The following CNTNAP2 variants were observed in gnomAD, a reference collection of about 807,000 sequenced individuals.
CNTNAP2 encodes the protein contactin associated protein 2.
A neutral mutation model predicts 155.2 loss-of-function variants in CNTNAP2; 98 were observed. The observed-to-expected ratio is 0.63, with a 90% confidence interval of 0.54 to 0.75. CNTNAP2 has a LOEUF of 0.75. Among genes scored for constraint, CNTNAP2 ranks in the 30% least tolerant of loss-of-function variants. The pLI, the probability that CNTNAP2 is intolerant of heterozygous loss-of-function variation, is 0.00. For synonymous variants in CNTNAP2, 651 were observed against 631.2 expected (o/e 1.03, Z -0.47); for missense variants, 1,727 against 1,688.1 (o/e 1.02, Z -0.40).
intron 1 of CNTNAP2, among the ~76,000 whole-genome samples, chr7:146,254,159 A>T (rs1271959531): frequency 7.2e-6 from 1 of 137,966 alleles, no homozygotes; most frequent in African/African-American, 3.0e-5. Flanking sequence ...ACACACACAC[A>T]CACAAGCAAA....
At chr7:147,375,785 C>T (rs1368672884) in intron 9 of CNTNAP2, among the ~76,000 whole-genome samples, 3 of 152,082 alleles carry the variant, frequency 2.0e-5, no homozygotes, top group Non-Finnish European at 4.4e-5. Flanking sequence ...CAGTTGTACT[C>T]ATATTTCGTT....
chr7:146,972,444 C>T (rs1797821299), intron 3 of CNTNAP2, among the ~76,000 whole-genome samples: 1 of 151,998 alleles, frequency 6.6e-6, no homozygotes, highest in Non-Finnish European at 1.5e-5. Context: ...ATACAATTTT[C>T]AAGTATGTTA....
intron 12 of CNTNAP2, among the ~76,000 whole-genome samples, chr7:147,568,218 C>A (rs1800214606): frequency 6.6e-6 from 1 of 151,930 alleles, no homozygotes; most frequent in African/African-American, 2.4e-5. Context: ...TCCATTGTTA[C>A]CATGAGACAT....
chr7:146,664,532 A>T (rs1459516040), intron 1 of CNTNAP2, among the ~76,000 whole-genome samples: 1 of 152,098 alleles, frequency 6.6e-6, no homozygotes, highest in Non-Finnish European at 1.5e-5. Flanking sequence ...TGATACACTA[A>T]ATGTTTTATA....
chr7:146,897,192 A>C (rs1288922288), intron 3 of CNTNAP2, among the ~76,000 whole-genome samples: 1 of 152,136 alleles, frequency 6.6e-6, no homozygotes, highest in Non-Finnish European at 1.5e-5. Context: ...CCATCATTAC[A>C]CTGAGATACT....
intron 3 of CNTNAP2, among the ~76,000 whole-genome samples, chr7:146,847,068 A>ACGTTGAACTCAATGCTAATTTT (rs1562971381): frequency 1.3e-5 from 2 of 151,868 alleles, no homozygotes; most frequent in Admixed American, 6.6e-5. Context: ...AATTTTTTTT[A>ACGTTGAACTCAATGCTAATTTT]TCGTGTCAAG....
intron 19 of CNTNAP2, among the ~76,000 whole-genome samples, chr7:148,224,750 C>T (rs565685276): frequency 7.2e-5 from 11 of 152,248 alleles, no homozygotes; most frequent in South Asian, 6.2e-4. Flanking sequence ...CTCGCAGTTC[C>T]GCATGGCTGG....
chr7:146,717,482 C>T (rs1249386370), intron 1 of CNTNAP2, among the ~76,000 whole-genome samples: 1 of 151,952 alleles, frequency 6.6e-6, no homozygotes, highest in African/African-American at 2.4e-5. Flanking sequence ...CCACTGCACT[C>T]CAGCTTGGGC....
intron 2 of CNTNAP2, among the ~76,000 whole-genome samples, chr7:146,806,372 T>C (rs757434176): frequency 6.6e-5 from 10 of 151,904 alleles, no homozygotes; most frequent in Non-Finnish European, 1.3e-4. Context: ...GGCATGTGCC[T>C]GTAATCCCAG....
chr7:147,385,921 T>C (rs1050420979), intron 9 of CNTNAP2, among the ~76,000 whole-genome samples: 1 of 152,222 alleles, frequency 6.6e-6, no homozygotes, highest in Non-Finnish European at 1.5e-5. Flanking sequence ...AGCAAACATC[T>C]GCCTGGGCAT....
At chr7:147,924,557 C>T (rs752819602) in intron 14 of CNTNAP2, among the ~76,000 whole-genome samples, 1 of 152,150 alleles carries the variant, frequency 6.6e-6, no homozygotes, top group Non-Finnish European at 1.5e-5. Context: ...GATAATTAAC[C>T]TGCACAAGAC....
intron 13 of CNTNAP2, among the ~76,000 whole-genome samples, chr7:147,722,568 T>C (rs1796580763): frequency 1.3e-5 from 2 of 152,138 alleles, no homozygotes; most frequent in Non-Finnish European, 2.9e-5. Flanking sequence ...TTATCCATTT[T>C]GTGTTTTGTC....
intron 1 of CNTNAP2, among the ~76,000 whole-genome samples, chr7:146,470,713 G>A (rs757057578): frequency 6.6e-6 from 1 of 152,034 alleles, no homozygotes; most frequent in Non-Finnish European, 1.5e-5. Flanking sequence ...GGGATTACAG[G>A]TACGCACCAC....
At chr7:147,876,042 T>C (rs1799414662) in intron 13 of CNTNAP2, among the ~76,000 whole-genome samples, 1 of 152,220 alleles carries the variant, frequency 6.6e-6, no homozygotes, top group Admixed American at 6.5e-5. Context: ...AATTATTCCA[T>C]TTATTTTATA....
intron 13 of CNTNAP2, among the ~76,000 whole-genome samples, chr7:147,750,462 T>C (rs2116501806): frequency 6.6e-6 from 1 of 152,318 alleles, no homozygotes; most frequent in Non-Finnish European, 1.5e-5. Flanking sequence ...GAATTTTCTC[T>C]ATAAGTATTT....
chr7:147,763,035 G>T (rs1028807650), intron 13 of CNTNAP2, among the ~76,000 whole-genome samples: 1 of 152,102 alleles, frequency 6.6e-6, no homozygotes, highest in African/African-American at 2.4e-5. Flanking sequence ...AATGTGAGCA[G>T]ATCACCTGAA....
chr7:148,235,710 G>A (rs543454425), intron 20 of CNTNAP2, among the ~76,000 whole-genome samples: 7 of 122,430 alleles, frequency 5.7e-5, no homozygotes, highest in Admixed American at 2.0e-4. Context: ...TTTTTGAGAC[G>A]GAGTCTTGCT....
At chr7:146,704,482 G>A (rs1800929852) in intron 1 of CNTNAP2, among the ~76,000 whole-genome samples, 1 of 152,098 alleles carries the variant, frequency 6.6e-6, no homozygotes, top group Admixed American at 6.6e-5. Context: ...CTAAAGATGG[G>A]CCAAGTGACT....
intron 1 of CNTNAP2, among the ~76,000 whole-genome samples, chr7:146,350,690 A>G (rs1031309631): frequency 6.6e-6 from 1 of 152,110 alleles, no homozygotes; most frequent in African/African-American, 2.4e-5. Flanking sequence ...TATATACCCA[A>G]AGGATTATAA....
Sources: allele counts gnomAD v4.1 joint callset (sites outside exome capture counted in the v4.1 genomes callset), GRCh38; gene constraint gnomAD v4.1.1; transcripts MANE v1.5; gene names NCBI Gene and HGNC (gene_info 2026-07-23, HGNC 2026-07-21).